Variants in CALD1 observed in about 807,000 individuals in gnomAD.
CALD1 encodes caldesmon 1.
A neutral mutation model predicts 99.9 loss-of-function variants in CALD1; 33 were observed. The observed-to-expected ratio is 0.33, with a 90% CI of 0.25 to 0.44. The LOEUF is 0.44. Ranked by LOEUF, CALD1 falls within the 20% of genes least tolerant of loss-of-function variation. CALD1 has a pLI of 1.00. For synonymous variants in CALD1, 310 were observed against 325.0 expected, an observed-to-expected ratio of 0.95 and a Z score of 0.50; for missense variants, 861 against 962.1, an observed-to-expected ratio of 0.89 and a Z score of 1.39.
intron 1 of CALD1, among the ~76,000 whole-genome samples, chr7:134,765,381 T>C (rs979768246): frequency 6.6e-5 from 10 of 152,162 alleles, no homozygotes; most frequent in African/African-American, 2.2e-4. Flanking sequence ...TCACAAGAGC[T>C]AATTGTTAAC....
intron 3 of CALD1, among the ~76,000 whole-genome samples, chr7:134,903,608 A>C (rs1803152260): frequency 6.6e-6 from 1 of 152,066 alleles, no homozygotes; most frequent in Admixed American, 6.5e-5. Flanking sequence ...GCGTCACTCC[A>C]ATCTCTGCCT....
intron 3 of CALD1, among the ~76,000 whole-genome samples, chr7:134,926,396 C>A (rs181783681): frequency 6.6e-6 from 1 of 152,226 alleles, no homozygotes; most frequent in Non-Finnish European, 1.5e-5. Context: ...ACATTGCCCC[C>A]CCATATTTGT....
chr7:134,817,330 A>G lies in CALD1; in HGVS notation c.-129-26554A>G, dbSNP rs1378553690. 2.6e-5 allele frequency among the ~76,000 whole-genome samples: 4 copies of G among 152,126 alleles called. No individual in the cohort carries two copies. In the East Asian group the frequency reaches 5.8e-4, roughly 22 times the overall value. ...ATTTTAATTTTTTTCATTTTTAAAC[A>G]TTTTTATTTTGAAATAAAGTAAAAG... On this transcript the variant is annotated intron_variant, in intron 1 of 14. Coordinates refer to ENST00000361675, the MANE Select transcript of CALD1 (RefSeq NM_033138.4).
At chr7:134,854,426 C>T (rs940487765) in intron 2 of CALD1, among the ~76,000 whole-genome samples, 3 of 152,142 alleles carry the variant, frequency 2.0e-5, no homozygotes, top group Non-Finnish European at 4.4e-5. Context: ...TTAAAGTTCT[C>T]ATTGGGATGA....
At chr7:134,907,326 C>T (rs1803463507) in intron 3 of CALD1, among the ~76,000 whole-genome samples, 2 of 151,794 alleles carry the variant, frequency 1.3e-5, no homozygotes, top group South Asian at 4.1e-4. Flanking sequence ...GTGATAAGAA[C>T]TAAGATCAGA....
chr7:134,893,069 T>C (rs1298675493), intron 3 of CALD1, among the ~76,000 whole-genome samples: 1 of 152,214 alleles, frequency 6.6e-6, no homozygotes, highest in Non-Finnish European at 1.5e-5. Context: ...GAGCCCAGTC[T>C]GGCTGGCTGT....
intron 3 of CALD1, among the ~76,000 whole-genome samples, chr7:134,904,714 G>A (rs961576252): frequency 1.3e-5 from 2 of 152,124 alleles, no homozygotes; most frequent in Non-Finnish European, 2.9e-5. Flanking sequence ...TGATCAGGAA[G>A]TATTCGCTTC....
intron 14 of CALD1, 28 bp downstream of exon 14, chr7:134,965,414 A>C: frequency 1.8e-6 from 2 of 1,114,370 alleles, no homozygotes; most frequent in East Asian, 4.7e-5. Flanking sequence ...CTAGTATTTC[A>C]GAGGTTTGTT....
At chr7:134,767,457 C>A (rs1013998714) in intron 1 of CALD1, among the ~76,000 whole-genome samples, 2 of 152,232 alleles carry the variant, frequency 1.3e-5, no homozygotes, top group African/African-American at 4.8e-5. Context: ...CAGAACCTCA[C>A]CCAAAATAGA....
chr7:134,850,878 G>A (rs1201927134), intron 2 of CALD1, among the ~76,000 whole-genome samples: 1 of 152,138 alleles, frequency 6.6e-6, no homozygotes, highest in African/African-American at 2.4e-5. Flanking sequence ...TTGTTCTCAT[G>A]ATAGTGAATA....
chr7:134,792,344 C>G (rs1797572135), intron 1 of CALD1, among the ~76,000 whole-genome samples: 1 of 144,436 alleles, frequency 6.9e-6, no homozygotes, highest in South Asian at 2.2e-4. Context: ...GGCTGGAGAG[C>G]AGTAGTGCCA....
intron 2 of CALD1, among the ~76,000 whole-genome samples, chr7:134,862,812 G>T (rs1586140005): frequency 6.6e-6 from 1 of 152,314 alleles, no homozygotes; most frequent in African/African-American, 2.4e-5. Flanking sequence ...TCCTAGGGCT[G>T]CCATAACAAA....
intron 3 of CALD1, among the ~76,000 whole-genome samples, chr7:134,907,971 C>T (rs900906654): frequency 6.6e-6 from 1 of 150,630 alleles, no homozygotes; most frequent in African/African-American, 2.4e-5. Flanking sequence ...TTGGCTGGCT[C>T]CAGACCTAGG....
Position 134,756,269 on chromosome 7 carries a change from T to C in CALD1, c.-130+11906T>C, listed in dbSNP as rs1796727303. ...CCTGGGGAACGAGAGTGAGACTTTG[T>C]CTCAAAAAAAAAAAAAAAAAAACTA... On this transcript the variant is annotated intron_variant, in intron 1 of 13. Transcript: ENST00000417172. Among the ~76,000 whole-genome samples, 2 of 18,216 alleles carry C rather than the reference T, an allele frequency of 1.1e-4. 1 individual carries two copies. The highest frequency in any genetic ancestry group is 7.0e-3 in the South Asian group (2 of 286). 12.0% of individuals were successfully genotyped at this position (18,216 alleles called of 152,430 possible).
intron 1 of CALD1, among the ~76,000 whole-genome samples, chr7:134,794,852 A>T (rs1797688308): frequency 6.6e-6 from 1 of 152,202 alleles, no homozygotes; most frequent in African/African-American, 2.4e-5. Context: ...GTTCTTTTTA[A>T]ATGTTCTCAT....
chr7:134,768,276 A>G (rs957747971), intron 1 of CALD1, among the ~76,000 whole-genome samples: 6 of 152,300 alleles, frequency 3.9e-5, no homozygotes, highest in African/African-American at 1.4e-4. Context: ...CCGGACCATC[A>G]GTGCCCTTCT....
chr7:134,825,267 G>A (rs1394038877), intron 1 of CALD1, among the ~76,000 whole-genome samples: 1 of 152,070 alleles, frequency 6.6e-6, no homozygotes, highest in African/African-American at 2.4e-5. Context: ...AACAGATGGA[G>A]TCATACATTT....
At chr7:134,798,525 A>G (rs1226305461) in intron 1 of CALD1, among the ~76,000 whole-genome samples, 1 of 152,234 alleles carries the variant, frequency 6.6e-6, no homozygotes, top group Non-Finnish European at 1.5e-5. Flanking sequence ...AAGTTGCTTC[A>G]TACCACAGTG....
intron 1 of CALD1, among the ~76,000 whole-genome samples, chr7:134,746,592 GAACT>G (rs1399609370): frequency 3.4e-5 from 5 of 145,026 alleles, no homozygotes; most frequent in African/African-American, 1.2e-4. Flanking sequence ...ATATTGTGGT[GAACT>G]AACTATTAAG....
Sources: allele counts gnomAD v4.1 joint callset (sites outside exome capture counted in the v4.1 genomes callset), GRCh38; gene constraint gnomAD v4.1.1; transcripts MANE v1.5; gene names NCBI Gene and HGNC (gene_info 2026-07-23, HGNC 2026-07-21).